GSG1L: variants seen among roughly 807,000 people sequenced by gnomAD.
The protein encoded by GSG1L is GSG1 like, also known as germ cell-specific gene 1-like protein.
In GSG1L, 24 loss-of-function variants were observed where a neutral mutation model predicts 42.1. That is an observed-to-expected ratio of 0.57 (90% CI 0.41 to 0.80). The LOEUF (loss-of-function observed/expected upper bound fraction) is 0.80, where lower values mean the gene tolerates loss of function less well. Among genes scored for constraint, GSG1L ranks in the 30% least tolerant of loss-of-function variants. The probability of loss-of-function intolerance (pLI) is 0.00; values close to 1 mark genes in which losing one functional copy is unlikely to be tolerated. For missense variants in GSG1L, 445 were observed against 472.2 expected, an observed-to-expected ratio of 0.94 and a Z score of 0.53; for synonymous variants, 215 against 203.5, an observed-to-expected ratio of 1.06 and a Z score of -0.48.
intron 2 of GSG1L, among the ~76,000 whole-genome samples, chr16:27,924,108 A>G (rs921037434): frequency 8.5e-5 from 13 of 152,104 alleles, no homozygotes; most frequent in African/African-American, 3.1e-4. Flanking sequence ...AAGCATTTAC[A>G]TCAGTAAGAG....
chr16:27,946,623 G>A (rs1361069749), intron 2 of GSG1L, among the ~76,000 whole-genome samples: 36 of 23,870 alleles, frequency 1.5e-3, no homozygotes, highest in African/African-American at 5.9e-3. Context: ...GAGAGAGAGA[G>A]AGAGAGAGAA....
intron 1 of GSG1L, among the ~76,000 whole-genome samples, chr16:28,031,408 GATGGGATGATGGGATGGGTTGGC>G (rs1193890094): frequency 2.0e-5 from 3 of 149,612 alleles, no homozygotes; most frequent in Admixed American, 6.6e-5. Flanking sequence ...GATAGGTTGG[GATGGGATGATGGGATGGGTTGGC>G]ATGGGATGAT....
intron 5 of GSG1L, among the ~76,000 whole-genome samples, chr16:27,819,763 C>G (rs572194696): frequency 1.3e-5 from 2 of 152,268 alleles, no homozygotes; most frequent in African/African-American, 4.8e-5. Context: ...TGGGAAACCA[C>G]TCCAGTGTTT....
chr16:27,957,979 AC>A (rs2085025934), intron 2 of GSG1L, among the ~76,000 whole-genome samples: 1 of 152,178 alleles, frequency 6.6e-6, no homozygotes, highest in Non-Finnish European at 1.5e-5. Context: ...TTCACGCATT[AC>A]CAAGGGGACG....
rs1258553155 is a variant in GSG1L at position 27,788,249 on chromosome 16, C to T, written c.*3121G>A. 1 of 152,170 alleles carries T rather than the reference C, an allele frequency of 6.6e-6. No individual in the cohort carries two copies. The highest frequency in any genetic ancestry group is 1.5e-5 in the Non-Finnish European group (1 of 68,060). The allele number at this position is 152,170 out of a possible 1,614,324, so 9.4% of individuals were successfully genotyped here. A position where few individuals can be genotyped will look rare whatever the true frequency, so the allele number is the denominator to read the frequency against. ...GGTTCCTGAATCTGCCCGCATGGTC[C>T]CCTCCCCAGGGCAACTTTCCTAAGC... On this transcript the variant is annotated 3_prime_UTR_variant, in exon 7 of 7. Coordinates refer to ENST00000447459, the MANE Select transcript of GSG1L (RefSeq NM_001109763.2).
intron 1 of GSG1L, among the ~76,000 whole-genome samples, chr16:27,980,098 T>G (rs2085309585): frequency 6.6e-6 from 1 of 151,622 alleles, no homozygotes. Flanking sequence ...CCTGAGCAGG[T>G]GGGGGGAACC....
Position 27,955,970 on chromosome 16 carries a change from G to A in GSG1L, c.397+7186C>T, listed in dbSNP as rs1315814715. On this transcript the variant is annotated intron_variant, in intron 2 of 6. Transcript: ENST00000447459. ...GGAGGAAGGAAGGACAGGAGGGAGG[G>A]AGGGAGAGAAGAAGGAAAGGAGGAA... Among the ~76,000 whole-genome samples, 18 of 149,904 alleles carry A rather than the reference G, an allele frequency of 1.2e-4. No homozygotes were observed. In the Admixed American group the frequency reaches 1.2e-3, roughly 10 times the overall value.
At chr16:27,953,360 G>C (rs2084970912) in intron 2 of GSG1L, among the ~76,000 whole-genome samples, 1 of 152,138 alleles carries the variant, frequency 6.6e-6, no homozygotes, top group Non-Finnish European at 1.5e-5. Context: ...AAAGCACTAG[G>C]ATTACAGGTA....
chr16:27,893,138 G>T (rs2084148386), intron 2 of GSG1L, among the ~76,000 whole-genome samples: 2 of 152,184 alleles, frequency 1.3e-5, no homozygotes, highest in South Asian at 4.1e-4. Flanking sequence ...GTGACCTCCA[G>T]GGGGCAGAAG....
intron 5 of GSG1L, among the ~76,000 whole-genome samples, chr16:27,815,252 A>G (rs1365959038): frequency 6.6e-6 from 1 of 152,138 alleles, no homozygotes; most frequent in African/African-American, 2.4e-5. Flanking sequence ...TGGCTTGGTA[A>G]TAAGTGAGTT....
chr16:27,904,324 C>G (rs113743069), intron 2 of GSG1L, among the ~76,000 whole-genome samples: 8 of 152,064 alleles, frequency 5.3e-5, no homozygotes, highest in African/African-American at 1.4e-4. Flanking sequence ...CCTGTCTCAG[C>G]CTCCCAAAGC....
intron 5 of GSG1L, among the ~76,000 whole-genome samples, chr16:27,820,635 T>A (rs1227025463): frequency 6.6e-6 from 1 of 152,182 alleles, no homozygotes; most frequent in Non-Finnish European, 1.5e-5. Flanking sequence ...CCCTTCCCTG[T>A]GCACAAACCA....
At chr16:27,948,553 T>C (rs1317484794) in intron 2 of GSG1L, among the ~76,000 whole-genome samples, 2 of 150,938 alleles carry the variant, frequency 1.3e-5, no homozygotes, top group African/African-American at 4.9e-5. Flanking sequence ...TTTGTATTTT[T>C]AGTAGAGACG....
chr16:27,835,248 C>G (rs1472178832), intron 4 of GSG1L, among the ~76,000 whole-genome samples: 1 of 152,134 alleles, frequency 6.6e-6, no homozygotes, highest in Non-Finnish European at 1.5e-5. Flanking sequence ...TCTTTTATCA[C>G]TATTTAATGT....
intron 1 of GSG1L, among the ~76,000 whole-genome samples, chr16:27,980,797 G>A (rs576728132): frequency 3.3e-5 from 5 of 151,514 alleles, no homozygotes; most frequent in East Asian, 1.9e-4. Flanking sequence ...CAGAAGAACC[G>A]CTTGAACCTG....
intron 2 of GSG1L, among the ~76,000 whole-genome samples, chr16:27,922,809 G>T (rs919260094): frequency 6.6e-6 from 1 of 152,070 alleles, no homozygotes; most frequent in East Asian, 1.9e-4. Context: ...GTAGAGATGG[G>T]GTCTCCCTCT....
At chr16:27,976,439 A>G (rs921822897) in intron 1 of GSG1L, among the ~76,000 whole-genome samples, 16 of 152,198 alleles carry the variant, frequency 1.1e-4, no homozygotes, top group African/African-American at 3.4e-4. Flanking sequence ...GAATGAAGCA[A>G]TTAATAGTAC....
At chr16:27,979,105 C>T (rs2085284573) in intron 1 of GSG1L, among the ~76,000 whole-genome samples, 1 of 152,070 alleles carries the variant, frequency 6.6e-6, no homozygotes, top group South Asian at 2.1e-4. Flanking sequence ...TAAGCCCTTT[C>T]CTTGCTTGCC....
chr16:27,931,482 GC>G (rs1323870991), intron 2 of GSG1L, among the ~76,000 whole-genome samples: 7 of 152,188 alleles, frequency 4.6e-5, no homozygotes, highest in Non-Finnish European at 1.5e-5. Flanking sequence ...ATACTCAGAG[GC>G]ACTCCTCATC....
Sources: gnomAD v4.1 joint callset for allele counts (sites outside exome capture counted in the v4.1 genomes callset) on GRCh38, gnomAD v4.1.1 for gene constraint, MANE v1.5 for transcripts, NCBI Gene and HGNC (gene_info 2026-07-23, HGNC 2026-07-21) for gene names.